KCNG3: variants seen among roughly 807,000 people sequenced by gnomAD.
KCNG3 encodes the protein potassium voltage-gated channel modifier subfamily G member 3, also known as voltage-gated potassium channel regulatory subunit KCNG3.
KCNG3 carries 15 observed loss-of-function variants against 29.0 expected under a neutral mutation model. The observed-to-expected ratio is 0.52, with a 90% CI of 0.35 to 0.80. The LOEUF is 0.80. KCNG3 is among the 30% of genes least tolerant of loss of function. The pLI, the probability that KCNG3 is intolerant of heterozygous loss-of-function variation, is 0.01. For missense variants in KCNG3, 512 were observed against 605.7 expected, an observed-to-expected ratio of 0.85 and a Z score of 1.62; for synonymous variants, 322 against 248.9, an observed-to-expected ratio of 1.29 and a Z score of -2.76.
At chr2:42,484,209 C>T (rs906268192) in intron 1 of KCNG3, among the ~76,000 whole-genome samples, 1 of 152,128 alleles carries the variant, frequency 6.6e-6, no homozygotes, top group Non-Finnish European at 1.5e-5. Flanking sequence ...CACCTGTAAT[C>T]CTAGCATTTT....
intron 1 of KCNG3, among the ~76,000 whole-genome samples, chr2:42,477,384 T>C (rs113414292): frequency 0.048 from 4,890 of 101,626 alleles, 166 homozygotes; most frequent in East Asian, 0.17. Flanking sequence ...CACACACATA[T>C]ATATACACAC....
downstream of KCNG3, among the ~76,000 whole-genome samples, chr2:42,438,487 C>T (rs530925466): frequency 6.6e-6 from 1 of 152,098 alleles, no homozygotes; most frequent in African/African-American, 2.4e-5. Context: ...TAATATTCTC[C>T]CTTCACTTTC....
chr2:42,392,702 G>C, the KCNG3 span, among the ~76,000 whole-genome samples: 61 of 151,596 alleles, frequency 4.0e-4, no homozygotes, highest in African/African-American at 1.4e-3. Context: ...TGGGAAAATA[G>C]GAACTCAGGA....
chr2:42,445,073 T>TAA lies in KCNG3; in HGVS notation c.666-496_666-495dup, dbSNP rs35392805. 2.1e-3 allele frequency among the ~76,000 whole-genome samples: 292 copies of TAA among 136,330 alleles called. 2 individuals carry two copies. Among genetic ancestry groups the TAA allele is most frequent in the Middle Eastern group, 7.6e-3 (2 of 264 alleles). The allele number at this position is 136,330 out of a possible 152,430, so 89.4% of individuals were successfully genotyped here. On this transcript the variant is annotated intron_variant, in intron 1 of 1. Coordinates refer to ENST00000306078, the MANE Select transcript of KCNG3 (RefSeq NM_133329.6). ...CAGAAAGAGACCCTGTCTCAAAAAT[T>TAA]AAAAAAAAAAAAAAAAAAAATTGAA... is the stretch of plus-strand genomic sequence containing the variant.
chr2:42,448,089 C>T (rs1053244009), intron 1 of KCNG3, among the ~76,000 whole-genome samples: 9 of 152,144 alleles, frequency 5.9e-5, no homozygotes, highest in Non-Finnish European at 1.3e-4. Flanking sequence ...ATGAAAAGTG[C>T]TAGCTTATTT....
intron 1 of KCNG3, among the ~76,000 whole-genome samples, chr2:42,447,223 A>G (rs1672620823): frequency 6.6e-6 from 1 of 151,850 alleles, no homozygotes; most frequent in Admixed American, 6.6e-5. Context: ...TGTATGTACA[A>G]ACAAACAAAA....
At chr2:42,461,033 C>T (rs1243256534) in intron 1 of KCNG3, among the ~76,000 whole-genome samples, 2 of 151,798 alleles carry the variant, frequency 1.3e-5, no homozygotes, top group Admixed American at 6.6e-5. Flanking sequence ...TGGCAGCATG[C>T]GTCTGTAGTC....
At chr2:42,432,908 AAC>A in the KCNG3 span, among the ~76,000 whole-genome samples, 2 of 151,126 alleles carry the variant, frequency 1.3e-5, no homozygotes, top group African/African-American at 2.4e-5. Flanking sequence ...TCTTCATTAA[AAC>A]ACAGAGTCAA....
At chr2:42,440,882 T>C (rs559784360), downstream of KCNG3, among the ~76,000 whole-genome samples, 2 of 152,342 alleles carry the variant, frequency 1.3e-5, no homozygotes, top group South Asian at 2.1e-4. Flanking sequence ...GATCAAGTCA[T>C]GTAAATTCAG....
At chr2:42,459,118 C>A (rs1425066069) in intron 1 of KCNG3, among the ~76,000 whole-genome samples, 3 of 151,810 alleles carry the variant, frequency 2.0e-5, no homozygotes, top group African/African-American at 7.3e-5. Context: ...ATCGCTTGAA[C>A]CCGGGATGTG....
At chr2:42,398,838 T>G in the KCNG3 span, among the ~76,000 whole-genome samples, 3 of 152,106 alleles carry the variant, frequency 2.0e-5, no homozygotes, top group African/African-American at 4.8e-5. Context: ...AAAGGAATTT[T>G]TGACATGTCA....
At chr2:42,445,143 GTTT>G (rs897467841) in intron 1 of KCNG3, among the ~76,000 whole-genome samples, 19 of 148,322 alleles carry the variant, frequency 1.3e-4, no homozygotes, top group Non-Finnish European at 1.6e-4. Context: ...ATTAAATTTT[GTTT>G]TTTACTTGTC....
At chr2:42,423,107 G>A in the KCNG3 span, among the ~76,000 whole-genome samples, 6 of 152,108 alleles carry the variant, frequency 3.9e-5, no homozygotes, top group Non-Finnish European at 5.9e-5. Context: ...GCCAACAGTC[G>A]GCTTGATATT....
rs748038240 is a variant in KCNG3 at position 42,492,848 on chromosome 2, C to A, written c.654G>T (p.Arg218Ser). The change falls in exon 1 of 2, where the codon AGG becomes AGT. Residue 218 changes from arginine to serine, a missense_variant. By Grantham distance (110) the Arg-to-Ser change is moderately radical. Around this residue, in one of 5 missense-constraint regions of KCNG3, gnomAD observed 228 missense variants for 200.0 expected, o/e 1.14. Transcript: ENST00000306078. ...GCAGTGCGTCCTACCCGGAGGGCTC[C>A]CTCCCAGGGCCGGCGGAGTACCTGC... ...DRSRYSAGPGREPSGIIEAIC... is the reference protein window; with the variant it reads ...DRSRYSAGPGSEPSGIIEAIC... 2.0e-6 allele frequency: 3 copies of A among 1,498,534 alleles called. No individual in the cohort carries two copies. Among genetic ancestry groups the A allele is most frequent in the Non-Finnish European group, 2.7e-6 (3 of 1,127,940 alleles). The allele number at this position is 1,498,534 out of a possible 1,614,324, so 92.8% of individuals were successfully genotyped here.
the KCNG3 span, among the ~76,000 whole-genome samples, chr2:42,428,837 C>T: frequency 1.3e-5 from 2 of 152,040 alleles, no homozygotes; most frequent in African/African-American, 2.4e-5. Flanking sequence ...ACAGGCACGA[C>T]GCTGAGTGTA....
At position 42,456,327 on chromosome 2, in the gene KCNG3, G is replaced by A. The variant is rs541234902; in HGVS notation, c.666-11748C>T. 1.2e-4 allele frequency among the ~76,000 whole-genome samples: 19 copies of A among 152,082 alleles called. No individual in the cohort carries two copies. In the East Asian group the frequency reaches 3.1e-3, roughly 25 times the overall value. ...ACTTGAGTCATCTTCTTAGTAGTTCGAGTCCAGTCTGGGCAACATGTCAAA... is the reference window on the plus strand; with the variant it reads ...ACTTGAGTCATCTTCTTAGTAGTTCAAGTCCAGTCTGGGCAACATGTCAAA... On this transcript the variant is annotated intron_variant, in intron 1 of 1. Coordinates refer to ENST00000306078, the MANE Select transcript of KCNG3 (RefSeq NM_133329.6).
chr2:42,492,564 C>T (rs1673911035), intron 1 of KCNG3, among the ~76,000 whole-genome samples: 1 of 152,350 alleles, frequency 6.6e-6, no homozygotes, highest in South Asian at 2.1e-4. Flanking sequence ...AAAGAGGGGA[C>T]ATTTGTCTAT....
At chr2:42,398,252 TAAATAAATAAATA>T in the KCNG3 span, among the ~76,000 whole-genome samples, 3 of 133,474 alleles carry the variant, frequency 2.2e-5, no homozygotes, top group African/African-American at 5.3e-5. Context: ...AATAAATAAA[TAAATAAATAAATA>T]AAATAAAATA....
chr2:42,388,893 C>T, the KCNG3 span, among the ~76,000 whole-genome samples: 11 of 151,966 alleles, frequency 7.2e-5, no homozygotes, highest in Non-Finnish European at 1.3e-4. Context: ...TGAGATCATA[C>T]TATGTAGATT....
Sources: gnomAD v4.1 joint callset for allele counts (sites outside exome capture counted in the v4.1 genomes callset) on GRCh38, gnomAD v4.1.1 for gene constraint, gnomAD v4.1.1 regional missense constraint, MANE v1.5 for transcripts, NCBI Gene and HGNC (gene_info 2026-07-23, HGNC 2026-07-21) for gene names.